Variants in SLC14A2 observed in about 807,000 individuals in gnomAD.
SLC14A2 encodes solute carrier family 14 member 2.
In SLC14A2, 91 loss-of-function variants were observed where a neutral mutation model predicts 104.6. The observed-to-expected ratio is 0.87, with a 90% CI of 0.73 to 1.04. SLC14A2 has a LOEUF of 1.04. Among genes scored for constraint, SLC14A2 ranks in the 50% least tolerant of loss-of-function variants. The pLI is 0.00. For synonymous variants in SLC14A2, 476 were observed against 466.4 expected (o/e 1.02, Z -0.27); for missense variants, 1,189 against 1,156.0 (o/e 1.03, Z -0.41).
chr18:45,656,714 T>A (rs376226632), intron 10 of SLC14A2, among the ~76,000 whole-genome samples: 3 of 152,154 alleles, frequency 2.0e-5, no homozygotes, highest in African/African-American at 7.2e-5. Context: ...TGAGGCTTTA[T>A]CATCAGGCAT....
intron 1 of SLC14A2, among the ~76,000 whole-genome samples, chr18:45,371,249 A>T (rs916348983): frequency 6.6e-6 from 1 of 152,176 alleles, no homozygotes; most frequent in African/African-American, 2.4e-5. Context: ...TCTGTTCACC[A>T]AACTGGACTA....
At chr18:45,551,018 T>C (rs1206625788) in intron 2 of SLC14A2, among the ~76,000 whole-genome samples, 2 of 152,136 alleles carry the variant, frequency 1.3e-5, no homozygotes, top group Non-Finnish European at 2.9e-5. Context: ...GCTGTGAATT[T>C]CATTTAGATA....
chr18:45,480,331 G>T (rs2087468353), intron 1 of SLC14A2, among the ~76,000 whole-genome samples: 1 of 152,048 alleles, frequency 6.6e-6, no homozygotes, highest in Non-Finnish European at 1.5e-5. Context: ...TTCACCTTGA[G>T]TTTCCAGACC....
chr18:45,634,493 G>T (rs2045388796), intron 5 of SLC14A2, among the ~76,000 whole-genome samples: 1 of 152,230 alleles, frequency 6.6e-6, no homozygotes, highest in South Asian at 2.1e-4. Context: ...TTGCAGAGGG[G>T]ACATTTGAGC....
chr18:45,662,656 T>C (rs1289830696), intron 10 of SLC14A2, among the ~76,000 whole-genome samples: 1 of 152,156 alleles, frequency 6.6e-6, no homozygotes, highest in African/African-American at 2.4e-5. Flanking sequence ...GCCTCAATTT[T>C]CCACCTTTTA....
intron 2 of SLC14A2, among the ~76,000 whole-genome samples, chr18:45,570,177 C>A (rs1265404206): frequency 6.6e-6 from 1 of 152,020 alleles, no homozygotes; most frequent in Admixed American, 6.6e-5. Flanking sequence ...AAGAACACAG[C>A]CCTCTATCCT....
intron 6 of SLC14A2, among the ~76,000 whole-genome samples, chr18:45,637,894 C>G (rs1358119046): frequency 1.3e-5 from 2 of 152,170 alleles, no homozygotes; most frequent in Non-Finnish European, 2.9e-5. Flanking sequence ...ACCTGACTGC[C>G]CTTCACACCA....
intron 10 of SLC14A2, among the ~76,000 whole-genome samples, chr18:45,662,013 A>G (rs913920769): frequency 6.6e-6 from 1 of 152,230 alleles, no homozygotes; most frequent in Non-Finnish European, 1.5e-5. Context: ...CAGCATAAAA[A>G]TATAGACAAG....
In SLC14A2 at chr18:45,294,475, G is replaced by T. The variant is rs1165216550; in HGVS notation, c.-125+81284G>T. On this transcript the variant is annotated intron_variant, in intron 1 of 20. Coordinates refer to the SLC14A2 transcript ENST00000586448. ...TAAGGACAAAAACAAACTGTTATTT[G>T]TTTTGCATCTCACTCAGTTATCTTC... 2.0e-5 allele frequency among the ~76,000 whole-genome samples: 3 copies of T among 152,108 alleles called. 1 individual carries two copies. The South Asian group carries it at 6.2e-4, about 32-fold the overall frequency.
chr18:45,521,025 G>A (rs892010467), intron 2 of SLC14A2, among the ~76,000 whole-genome samples: 3 of 152,174 alleles, frequency 2.0e-5, no homozygotes, highest in African/African-American at 4.8e-5. Flanking sequence ...AGCTGGCCCA[G>A]GCAAGAGTAG....
intron 1 of SLC14A2, among the ~76,000 whole-genome samples, chr18:45,435,842 C>A (rs2086587483): frequency 6.6e-6 from 1 of 152,152 alleles, no homozygotes; most frequent in Non-Finnish European, 1.5e-5. Context: ...ATGTTGCAAT[C>A]CAAACTGGTT....
At chr18:45,584,413 G>A (rs974295383) in intron 2 of SLC14A2, among the ~76,000 whole-genome samples, 7 of 152,172 alleles carry the variant, frequency 4.6e-5, no homozygotes, top group Non-Finnish European at 8.8e-5. Flanking sequence ...ATTCTTTCCG[G>A]CTTTGTATGT....
At chr18:45,644,565 G>C (rs762286863) in intron 10 of SLC14A2, among the ~76,000 whole-genome samples, 1 of 152,126 alleles carries the variant, frequency 6.6e-6, no homozygotes, top group Non-Finnish European at 1.5e-5. Flanking sequence ...CAGAGTAGGG[G>C]GGTAAGTCAG....
upstream of SLC14A2, among the ~76,000 whole-genome samples, chr18:45,210,270 T>G (rs1270067273): frequency 6.6e-6 from 1 of 152,184 alleles, no homozygotes; most frequent in Non-Finnish European, 1.5e-5. Flanking sequence ...CTGAAAGAGA[T>G]AACCCTCCAA....
rs566892271 is a variant in SLC14A2, at chr18:45,632,219, C to T, written c.522-131C>T. ...ATGTGACTGCCCAATATTCATTGAGCGAACTGACTTTTTTCTAAGCATTAT... is the reference window on the plus strand; with the variant it reads ...ATGTGACTGCCCAATATTCATTGAGTGAACTGACTTTTTTCTAAGCATTAT... On this transcript the variant is annotated intron_variant, in intron 4 of 19. Transcript: ENST00000255226. 591 of 1,120,392 alleles carry T rather than the reference C, an allele frequency of 5.3e-4. 10 individuals carry two copies. The highest frequency in any genetic ancestry group is 5.2e-3 in the South Asian group (326 of 63,260). 69.4% of individuals were successfully genotyped at this position (1,120,392 alleles called of 1,614,324 possible).
chr18:45,394,149 T>A (rs923808049), intron 1 of SLC14A2, among the ~76,000 whole-genome samples: 3 of 152,226 alleles, frequency 2.0e-5, no homozygotes, highest in Non-Finnish European at 2.9e-5. Context: ...TTAGTCCAAG[T>A]ATTACATGGG....
intron 1 of SLC14A2, among the ~76,000 whole-genome samples, chr18:45,223,649 T>C (rs1275298602): frequency 1.3e-5 from 2 of 152,018 alleles, no homozygotes; most frequent in Non-Finnish European, 2.9e-5. Flanking sequence ...GGAGTACTTA[T>C]GTGGGAGGTA....
rs116197448 is a variant in SLC14A2, at chr18:45,674,739, T to C, written c.2512+922T>C. Among the ~76,000 whole-genome samples the C allele has an allele frequency of 4.8e-3, 734 of 152,344 alleles. 6 individuals are homozygous for C. The highest frequency in any genetic ancestry group is 0.017 in the African/African-American group (696 of 41,580). ...CTAATTCTCAAGGTTGGTATTACTA[T>C]TCGTATTTTGCAAACGAGGAAAAGT... is the stretch of plus-strand genomic sequence containing the variant. On this transcript the variant is annotated intron_variant, in intron 18 of 19. Transcript: ENST00000255226.
intron 2 of SLC14A2, among the ~76,000 whole-genome samples, chr18:45,524,786 T>G (rs1403299654): frequency 6.6e-6 from 1 of 152,130 alleles, no homozygotes; most frequent in Non-Finnish European, 1.5e-5. Flanking sequence ...TGGCCTCAGC[T>G]GCTCCATATG....
Sources: gnomAD v4.1 joint callset for allele counts (sites outside exome capture counted in the v4.1 genomes callset) on GRCh38, gnomAD v4.1.1 for gene constraint, MANE v1.5 for transcripts, NCBI Gene and HGNC (gene_info 2026-07-23, HGNC 2026-07-21) for gene names.